Variants in TVP23A observed in about 807,000 individuals in gnomAD.
TVP23A encodes Golgi apparatus membrane protein TVP23 homolog A.
In TVP23A, 21 loss-of-function variants were observed where a neutral mutation model predicts 31.7. That is an observed-to-expected ratio of 0.66 (90% CI 0.47 to 0.95). TVP23A has a LOEUF of 0.95. Ranked by LOEUF, TVP23A falls within the 40% of genes least tolerant of loss-of-function variation. TVP23A has a pLI of 0.00. For synonymous variants in TVP23A, 104 were observed against 96.0 expected, an observed-to-expected ratio of 1.08 and a Z score of -0.49; for missense variants, 279 against 255.6, an observed-to-expected ratio of 1.09 and a Z score of -0.62.
chr16:10,795,079 T>C (rs2033312573), intron 2 of TVP23A, among the ~76,000 whole-genome samples: 1 of 151,936 alleles, frequency 6.6e-6, no homozygotes, highest in Admixed American at 6.6e-5. Flanking sequence ...CAGAGAGCAA[T>C]GAAGCTGCCA....
downstream of TVP23A, among the ~76,000 whole-genome samples, chr16:10,765,507 C>CA: frequency 6.6e-6 from 1 of 151,550 alleles, no homozygotes; most frequent in Non-Finnish European, 1.5e-5. This position sits in a 1 kb window ranked among gnomAD's most constrained non-coding sequence, Gnocchi z 4.0. Context: ...GAACCTGTCT[C>CA]AAAAAAAAAT....
intron 2 of TVP23A, among the ~76,000 whole-genome samples, chr16:10,801,041 A>G (rs2033671148): frequency 6.6e-6 from 1 of 152,166 alleles, no homozygotes; most frequent in Non-Finnish European, 1.5e-5. Context: ...TGTCAACAAA[A>G]GGATGTCCCA....
At chr16:10,796,238 G>A (rs2033380352) in intron 2 of TVP23A, among the ~76,000 whole-genome samples, 1 of 151,782 alleles carries the variant, frequency 6.6e-6, no homozygotes, top group African/African-American at 2.4e-5. Flanking sequence ...CACTTGGGAG[G>A]CTGAGGTGAG....
intron 2 of TVP23A, among the ~76,000 whole-genome samples, chr16:10,786,264 C>CT (rs1355471993): frequency 6.6e-6 from 1 of 152,138 alleles, no homozygotes; most frequent in East Asian, 1.9e-4. Context: ...CGGCAGTGAT[C>CT]TAACAATGTC....
At chr16:10,785,129 G>A (rs1473725097) in intron 2 of TVP23A, among the ~76,000 whole-genome samples, 1 of 150,470 alleles carries the variant, frequency 6.6e-6, no homozygotes, top group African/African-American at 2.4e-5. Flanking sequence ...GCCAGGCCGG[G>A]CATGGTGGCT....
At chr16:10,761,917 G>A (rs906941211), downstream of TVP23A, 1 of 1,386,530 alleles carries the variant, frequency 7.2e-7, no homozygotes, top group Non-Finnish European at 1.0e-6. Flanking sequence ...ACAGGCACGG[G>A]TCGGGCACAA....
At chr16:10,815,288 T>C (rs1404991674) in intron 2 of TVP23A, among the ~76,000 whole-genome samples, 1 of 152,158 alleles carries the variant, frequency 6.6e-6, no homozygotes, top group Admixed American at 6.5e-5. Flanking sequence ...GGCGTGCACC[T>C]GCAGTCCCAG....
chr16:10,813,673 C>A (rs1021909046), intron 2 of TVP23A, among the ~76,000 whole-genome samples: 1 of 152,126 alleles, frequency 6.6e-6, no homozygotes, highest in African/African-American at 2.4e-5. Context: ...TCAGAGGTTT[C>A]CTGAACCCCT....
chr16:10,799,856 C>A (rs533477296), intron 2 of TVP23A, among the ~76,000 whole-genome samples: 10 of 152,148 alleles, frequency 6.6e-5, no homozygotes, highest in Non-Finnish European at 4.4e-5. Context: ...AACTGATGGA[C>A]AGAAAAGAGC....
At chr16:10,793,867 C>G (rs940535481) in intron 2 of TVP23A, among the ~76,000 whole-genome samples, 2 of 125,840 alleles carry the variant, frequency 1.6e-5, no homozygotes, top group Non-Finnish European at 3.1e-5. Context: ...CCACTGCATT[C>G]CAGCCTGGGT....
rs879057877 is a variant in TVP23A at position 10,769,155 on chromosome 16, G to A, written c.*1-54C>T. ...CAGTTACCGAGCGAGGCACTCACTG[G>A]GCAGCACATCCAGCCAGACCCGACC... On this transcript the variant is annotated intron_variant, in intron 7 of 7. Coordinates refer to ENST00000299866, the MANE Select transcript of TVP23A (RefSeq NM_001079512.4). The A allele has an allele frequency of 3.8e-6, 6 of 1,572,990 alleles. No homozygotes were observed. In the South Asian group the frequency reaches 5.6e-5, roughly 15 times the overall value.
In TVP23A at chr16:10,814,052, T is replaced by A. The variant is rs112800889; in HGVS notation, c.89+4051A>T. Among the ~76,000 whole-genome samples, 128 of 147,130 alleles carry A rather than the reference T, an allele frequency of 8.7e-4. 3 individuals are homozygous for A. The highest frequency in any genetic ancestry group is 6.8e-4 in the Admixed American group (10 of 14,688). On this transcript the variant is annotated intron_variant, in intron 2 of 7. Transcript: ENST00000299866. ...AAAATTCCCTTTCTACACTGCAATC[T>A]GGGTAAATTCATTTGTTCTCAGGAT...
rs144933462 is a variant in TVP23A, at chr16:10,781,850, C to CTTTTT, written c.90-6759_90-6755dup. 1.6e-4 allele frequency among the ~76,000 whole-genome samples: 15 copies of CTTTTT among 90,948 alleles called. 1 individual carries two copies. In the East Asian group the frequency reaches 3.2e-3, roughly 19 times the overall value. 59.7% of individuals were successfully genotyped at this position (90,948 alleles called of 152,430 possible). On this transcript the variant is annotated intron_variant, in intron 2 of 7. Coordinates refer to ENST00000299866, the MANE Select transcript of TVP23A (RefSeq NM_001079512.4). Reference sequence around the variant, plus strand: ...AGCCCTCCTTCACAACTAACACAATCTTTTTTTTTTTTTTTTTTTTTTTTT... The same window carrying CTTTTT: ...AGCCCTCCTTCACAACTAACACAATCTTTTTTTTTTTTTTTTTTTTTTTTTTTTTT...
At chr16:10,769,401 G>A (rs1676188165) in intron 7 of TVP23A, 1 of 342,042 alleles carries the variant, frequency 2.9e-6, no homozygotes, top group Admixed American at 4.6e-5. Context: ...TGGGATCGTG[G>A]GATTCTGCTG....
At chr16:10,782,651 C>G (rs904511288) in intron 2 of TVP23A, among the ~76,000 whole-genome samples, 1 of 151,974 alleles carries the variant, frequency 6.6e-6, no homozygotes, top group Non-Finnish European at 1.5e-5. Context: ...TACAGGCAGA[C>G]ACCACCACAC....
intron 2 of TVP23A, among the ~76,000 whole-genome samples, chr16:10,790,210 T>C (rs1432345639): frequency 1.3e-5 from 2 of 152,182 alleles, no homozygotes; most frequent in African/African-American, 2.4e-5. Flanking sequence ...AGATGTAAAT[T>C]TTCCCCCACA....
At chr16:10,788,419 C>T (rs1471042420) in intron 2 of TVP23A, among the ~76,000 whole-genome samples, 6 of 151,962 alleles carry the variant, frequency 3.9e-5, no homozygotes, top group South Asian at 2.1e-4. Flanking sequence ...GGACTACAGG[C>T]GCCCGCCACC....
chr16:10,818,357 C>T lies in TVP23A; in HGVS notation c.9+128G>A. On this transcript the variant is annotated intron_variant, in intron 1 of 7. Coordinates refer to ENST00000299866, the MANE Select transcript of TVP23A (RefSeq NM_001079512.4). This position sits in a 1 kb window ranked among gnomAD's most constrained non-coding sequence, Gnocchi z 4.7. The stretch of plus-strand genomic sequence containing the variant: ...GCAGTGCAAAGCCCTCTCCACCCTC[C>T]CGACCACCGGGTGCAGCCCAGCCCC... 3 of 1,441,890 alleles carry T rather than the reference C, an allele frequency of 2.1e-6. No homozygotes were observed. Among genetic ancestry groups the T allele is most frequent in the Middle Eastern group, 1.9e-4 (1 of 5,166 alleles). 89.3% of individuals were successfully genotyped at this position (1,441,890 alleles called of 1,614,324 possible).
At chr16:10,785,207 C>T (rs570378389) in intron 2 of TVP23A, among the ~76,000 whole-genome samples, 16 of 152,216 alleles carry the variant, frequency 1.1e-4, no homozygotes, top group African/African-American at 3.9e-4. Flanking sequence ...GAGCTCACGA[C>T]CAGCCTGGCC....
Sources: gnomAD v4.1 joint callset for allele counts (sites outside exome capture counted in the v4.1 genomes callset) on GRCh38, gnomAD v4.1.1 for gene constraint, Gnocchi (gnomAD v3.1) non-coding constraint, MANE v1.5 for transcripts, NCBI Gene and HGNC (gene_info 2026-07-23, HGNC 2026-07-21) for gene names.